The following PCBP3 variants were observed in gnomAD, a reference collection of about 807,000 sequenced individuals.
PCBP3 encodes poly(rC)-binding protein 3.
In PCBP3, 25 loss-of-function variants were observed where a neutral mutation model predicts 52.7. The observed-to-expected ratio is 0.47, with a 90% confidence interval of 0.35 to 0.66. The LOEUF (loss-of-function observed/expected upper bound fraction) is 0.66. Ranked by LOEUF, PCBP3 falls within the 30% of genes least tolerant of loss-of-function variation. The pLI, the probability that PCBP3 is intolerant of heterozygous loss-of-function variation, is 0.01. For synonymous variants in PCBP3, 162 were observed against 183.0 expected, an observed-to-expected ratio of 0.89 and a Z score of 0.93; for missense variants, 391 against 490.3, an observed-to-expected ratio of 0.80 and a Z score of 1.91.
chr21:45,892,773 G>A (rs1295531314), intron 5 of PCBP3, among the ~76,000 whole-genome samples: 2 of 152,174 alleles, frequency 1.3e-5, no homozygotes, highest in African/African-American at 4.8e-5. Context: ...CAGGCCCCAA[G>A]CTCAGCTCCC....
intron 4 of PCBP3, among the ~76,000 whole-genome samples, chr21:45,793,520 A>T (rs1156312983): frequency 6.6e-6 from 1 of 152,130 alleles, no homozygotes; most frequent in Non-Finnish European, 1.5e-5. Flanking sequence ...TGAGGGGAAG[A>T]TAATGGAGAC....
intron 9 of PCBP3, among the ~76,000 whole-genome samples, chr21:45,905,212 G>A (rs893579870): frequency 6.6e-6 from 1 of 152,168 alleles, no homozygotes; most frequent in African/African-American, 2.4e-5. Context: ...AGCACTAGTT[G>A]GGCAGAATGA....
intron 4 of PCBP3, among the ~76,000 whole-genome samples, chr21:45,834,245 G>A (rs779627229): frequency 6.6e-6 from 1 of 152,222 alleles, no homozygotes; most frequent in Non-Finnish European, 1.5e-5. Flanking sequence ...CTGGAGCCCG[G>A]CTGGCAGCTT....
At chr21:45,668,472 C>G (rs1162143779) in intron 1 of PCBP3, among the ~76,000 whole-genome samples, 1 of 151,246 alleles carries the variant, frequency 6.6e-6, no homozygotes, top group Non-Finnish European at 1.5e-5. Flanking sequence ...TGAAGGAGCT[C>G]TAACTCTGTT....
At chr21:45,810,320 G>T (rs528168428) in intron 4 of PCBP3, among the ~76,000 whole-genome samples, 1 of 152,008 alleles carries the variant, frequency 6.6e-6, no homozygotes, top group East Asian at 1.9e-4. Context: ...GCTCACGGCA[G>T]TCTCAGTCTC....
At chr21:45,930,744 T>C (rs758751731) in intron 14 of PCBP3, 42 bp from the exon 15 acceptor site, 6 of 947,984 alleles carry the variant, frequency 6.3e-6, no homozygotes, top group South Asian at 3.9e-5. Context: ...GCTTATCTCC[T>C]TGAGGGCAAA....
intron 15 of PCBP3, among the ~76,000 whole-genome samples, chr21:45,934,746 G>A (rs114324864): frequency 1.3e-5 from 2 of 152,248 alleles, no homozygotes; most frequent in Admixed American, 1.3e-4. Context: ...AGGCCGGGGG[G>A]TGTCACAGGG....
intron 2 of PCBP3, among the ~76,000 whole-genome samples, chr21:45,710,268 C>G (rs1172989626): frequency 6.6e-6 from 1 of 152,132 alleles, no homozygotes; most frequent in African/African-American, 2.4e-5. Context: ...TCGTCATTTA[C>G]CATTAGGTAT....
intron 5 of PCBP3, among the ~76,000 whole-genome samples, chr21:45,867,590 C>T (rs1453286771): frequency 6.6e-6 from 1 of 152,276 alleles, no homozygotes; most frequent in Non-Finnish European, 1.5e-5. Context: ...TTGTGTTGTG[C>T]ACAGACATGG....
rs1288007687 is a variant in PCBP3, at chr21:45,660,808, G to A, written c.-278-8066G>A. Among the ~76,000 whole-genome samples the A allele has an allele frequency of 1.3e-5, 2 of 152,088 alleles. 1 individual carries two copies. The highest frequency in any genetic ancestry group is 2.9e-5 in the Non-Finnish European group (2 of 68,010). On this transcript the variant is annotated intron_variant, in intron 1 of 17. Coordinates refer to ENST00000681687, the MANE Select transcript of PCBP3 (RefSeq NM_001384156.1). ...AAGCCCAACACTTTGGGAGGCCGAC[G>A]CGGACAGATCACTTGAGGTCAGGAG...
At chr21:45,898,057 G>C (rs545961095) in intron 6 of PCBP3, among the ~76,000 whole-genome samples, 1 of 152,214 alleles carries the variant, frequency 6.6e-6, no homozygotes, top group South Asian at 2.1e-4. Flanking sequence ...GGAAGGTGGT[G>C]GTGCCCACAC....
intron 4 of PCBP3, among the ~76,000 whole-genome samples, chr21:45,790,735 G>A (rs748719414): frequency 6.6e-6 from 1 of 152,106 alleles, no homozygotes; most frequent in Non-Finnish European, 1.5e-5. Flanking sequence ...GGACAGGTGG[G>A]GTAAGGGGAG....
rs530831906 is a variant in PCBP3 at position 45,861,268 on chromosome 21, T to G, written c.10+11173T>G. Among the ~76,000 whole-genome samples the G allele has an allele frequency of 6.7e-4, 102 of 152,310 alleles. 1 individual carries two copies. The highest frequency in any genetic ancestry group is 2.2e-3 in the African/African-American group (92 of 41,582). ...ACAGCACCCACCTGGGCCTCACATCTGCTGGTAGCCACCCACCTTCCACCC... is the reference window on the plus strand; with the variant it reads ...ACAGCACCCACCTGGGCCTCACATCGGCTGGTAGCCACCCACCTTCCACCC... On this transcript the variant is annotated intron_variant, in intron 5 of 17. Transcript: ENST00000681687.
intron 4 of PCBP3, among the ~76,000 whole-genome samples, chr21:45,797,432 A>G (rs2091985802): frequency 6.6e-6 from 1 of 152,020 alleles, no homozygotes; most frequent in Non-Finnish European, 1.5e-5. Flanking sequence ...TGGATGGACG[A>G]GTGCATGGAT....
Position 45,901,337 on chromosome 21 carries a change from G to A in PCBP3, c.339+224G>A, listed in dbSNP as rs73382578. 1,135 of 506,106 alleles carry A rather than the reference G, an allele frequency of 2.2e-3. 12 individuals carry two copies. The highest frequency in any genetic ancestry group is 0.017 in the African/African-American group (891 of 51,690). 31.4% of individuals were successfully genotyped at this position (506,106 alleles called of 1,614,324 possible). On this transcript the variant is annotated intron_variant, in intron 9 of 17. Transcript: ENST00000681687. ...CATCCTTCTGAAGCCAGCTACTCCC[G>A]GCTGTATGCCTTAGGTCCACCTCCC...
intron 16 of PCBP3, 115 bp downstream of exon 16, chr21:45,935,420 C>A (rs1005234618): frequency 1.3e-6 from 1 of 743,792 alleles, no homozygotes; most frequent in Non-Finnish European, 2.4e-6. Context: ...GCCTTCACCA[C>A]CCCAACCCCA....
chr21:45,914,189 C>T (rs976029587), intron 12 of PCBP3, 164 bp downstream of exon 12: 10 of 1,198,426 alleles, frequency 8.3e-6, no homozygotes, highest in South Asian at 3.1e-5. Context: ...ACCAGGCGGA[C>T]GCAGGGGGCC....
At chr21:45,784,903 T>C (rs1256897875) in intron 4 of PCBP3, among the ~76,000 whole-genome samples, 4 of 147,556 alleles carry the variant, frequency 2.7e-5, no homozygotes, top group Non-Finnish European at 6.0e-5. Flanking sequence ...AAGTGATGAG[T>C]GTCTCTGCCT....
chr21:45,707,581 C>T (rs1345980157), intron 2 of PCBP3, among the ~76,000 whole-genome samples: 3 of 152,058 alleles, frequency 2.0e-5, no homozygotes, highest in African/African-American at 4.8e-5. Context: ...GGATGTGAGG[C>T]GTGGGGATCT....
Sources: gnomAD v4.1 joint callset for allele counts (sites outside exome capture counted in the v4.1 genomes callset) on GRCh38, gnomAD v4.1.1 for gene constraint, MANE v1.5 for transcripts, NCBI Gene and HGNC (gene_info 2026-07-23, HGNC 2026-07-21) for gene names.